Variants in TNFRSF10B observed in about 807,000 individuals in gnomAD.
TNFRSF10B encodes TNF receptor superfamily member 10b, also known as tumor necrosis factor receptor superfamily member 10B.
A neutral mutation model predicts 41.4 loss-of-function variants in TNFRSF10B; 35 were observed. The ratio of observed to expected loss-of-function variants is 0.85; its 90% CI spans 0.65 to 1.12. The LOEUF is 1.12. TNFRSF10B is among the 50% of genes most tolerant of loss of function. TNFRSF10B has a pLI of 0.00. For missense variants in TNFRSF10B, 584 were observed against 552.7 expected (o/e 1.06, Z -0.57); for synonymous variants, 230 against 215.5 (o/e 1.07, Z -0.59).
intron 1 of TNFRSF10B, among the ~76,000 whole-genome samples, chr8:23,058,650 T>TC (rs1812739256): frequency 6.6e-6 from 1 of 152,124 alleles, no homozygotes; most frequent in African/African-American, 2.4e-5. Flanking sequence ...AATGCCCAGC[T>TC]AATTTTGTAT....
intron 1 of TNFRSF10B, among the ~76,000 whole-genome samples, chr8:23,054,645 G>C (rs1379220297): frequency 1.3e-5 from 2 of 152,122 alleles, no homozygotes; most frequent in Admixed American, 1.3e-4. Context: ...CTCATAATTT[G>C]TGTACATAGA....
intron 2 of TNFRSF10B, among the ~76,000 whole-genome samples, chr8:23,038,173 T>C (rs549472061): frequency 6.8e-4 from 103 of 152,340 alleles, no homozygotes; most frequent in African/African-American, 2.3e-3. Flanking sequence ...ATGTCTAGAA[T>C]ACAGGAGATT....
At chr8:23,049,905 A>T (rs1329335085) in intron 1 of TNFRSF10B, 1 of 152,260 alleles carries the variant, frequency 6.6e-6, no homozygotes, top group African/African-American at 2.4e-5. Context: ...GCCAGCCAGA[A>T]GATAAGGACA....
At chr8:23,037,001 A>G (rs1018313787) in intron 2 of TNFRSF10B, among the ~76,000 whole-genome samples, 1 of 152,202 alleles carries the variant, frequency 6.6e-6, no homozygotes, top group Non-Finnish European at 1.5e-5. Flanking sequence ...AGGAAAACTG[A>G]TAACAAGGAA....
chr8:23,060,963 C>T (rs963726121), intron 1 of TNFRSF10B, among the ~76,000 whole-genome samples: 5 of 151,874 alleles, frequency 3.3e-5, no homozygotes, highest in Admixed American at 6.6e-5. Context: ...TTGACTTTTC[C>T]AGTTGATTTT....
chr8:23,046,348 A>C (rs761688017), intron 1 of TNFRSF10B, among the ~76,000 whole-genome samples: 27 of 151,272 alleles, frequency 1.8e-4, no homozygotes, highest in Non-Finnish European at 3.7e-4. Flanking sequence ...GAGCAATGAC[A>C]AAAAAAAATT....
chr8:23,038,189 G>A (rs772762360), intron 2 of TNFRSF10B, among the ~76,000 whole-genome samples: 1 of 152,146 alleles, frequency 6.6e-6, no homozygotes, highest in Middle Eastern at 3.4e-3. Flanking sequence ...AGATTCCTTA[G>A]GGCATCTCTT....
intron 2 of TNFRSF10B, among the ~76,000 whole-genome samples, chr8:23,036,080 C>A (rs62503606): frequency 0.4 from 60,225 of 151,610 alleles, 13,691 homozygotes; most frequent in Non-Finnish European, 0.5. Context: ...GACTTGCCAT[C>A]CTCTGCAGAT....
At chr8:23,027,693 G>A in intron 6 of TNFRSF10B, 29 bp downstream of exon 6, 1 of 1,613,948 alleles carries the variant, frequency 6.2e-7, no homozygotes, top group South Asian at 1.1e-5. Context: ...GAACCCCTGA[G>A]CCCCCAGCTC....
chr8:23,063,333 A>G (rs1015936528), intron 1 of TNFRSF10B, among the ~76,000 whole-genome samples: 6 of 145,322 alleles, frequency 4.1e-5, no homozygotes, highest in African/African-American at 1.5e-4. Flanking sequence ...GGGCAGCAAC[A>G]GTGAAACTGT....
At chr8:23,043,728 T>A (rs1812276338) in intron 1 of TNFRSF10B, among the ~76,000 whole-genome samples, 1 of 152,198 alleles carries the variant, frequency 6.6e-6, no homozygotes, top group Non-Finnish European at 1.5e-5. Context: ...GAACTTCTGA[T>A]TTAAAAGGTG....
chr8:23,063,077 G>A (rs1163108287), intron 1 of TNFRSF10B, among the ~76,000 whole-genome samples: 1 of 152,312 alleles, frequency 6.6e-6, no homozygotes, highest in Admixed American at 6.5e-5. Context: ...AGCCAGGCAA[G>A]GTGGCTCATG....
intron 1 of TNFRSF10B, among the ~76,000 whole-genome samples, chr8:23,058,134 C>T (rs1812722884): frequency 6.6e-6 from 1 of 152,138 alleles, no homozygotes; most frequent in African/African-American, 2.4e-5. Context: ...GTAATCCCAG[C>T]TACTTGGGAG....
chr8:23,061,125 A>G (rs1295967605), intron 1 of TNFRSF10B, among the ~76,000 whole-genome samples: 1 of 152,222 alleles, frequency 6.6e-6, no homozygotes, highest in Non-Finnish European at 1.5e-5. Context: ...ATCATAAAAA[A>G]TCCCACAAAA....
rs984050182 is a variant in TNFRSF10B at position 23,022,383 on chromosome 8, G to T, written c.*288C>A. The T allele has an allele frequency of 1.8e-6, 1 of 560,542 alleles. No individual in the cohort carries two copies. The highest frequency in any genetic ancestry group is 3.4e-6 in the Non-Finnish European group (1 of 296,736). 34.7% of individuals were successfully genotyped at this position (560,542 alleles called of 1,614,324 possible). On this transcript the variant is annotated 3_prime_UTR_variant, in exon 9 of 9. Transcript: ENST00000276431. ...AGCATTTACATTAGGATAAAAAAGTGCTGTGAAAACAATGACATCCCAAAC... is the reference window on the plus strand; with the variant it reads ...AGCATTTACATTAGGATAAAAAAGTTCTGTGAAAACAATGACATCCCAAAC...
intron 1 of TNFRSF10B, among the ~76,000 whole-genome samples, chr8:23,065,320 C>T (rs1422672899): frequency 6.6e-6 from 1 of 152,216 alleles, no homozygotes; most frequent in Non-Finnish European, 1.5e-5. Context: ...GCAGAGGACC[C>T]TGTAGAGCTC....
At chr8:23,059,532 A>T (rs1477521918) in intron 1 of TNFRSF10B, among the ~76,000 whole-genome samples, 1 of 152,122 alleles carries the variant, frequency 6.6e-6, no homozygotes. Context: ...TTTGAGACAG[A>T]GTCTCGTTCT....
At chr8:23,067,480 A>T (rs6997701) in intron 1 of TNFRSF10B, among the ~76,000 whole-genome samples, 1 of 151,866 alleles carries the variant, frequency 6.6e-6, no homozygotes, top group Non-Finnish European at 1.5e-5. Flanking sequence ...AAACAAACCA[A>T]ATCACTGCAA....
At position 23,020,266 on chromosome 8, in the gene TNFRSF10B, G is replaced by A; in HGVS notation, c.*2405C>T. 1 of 454,142 alleles carries A rather than the reference G, an allele frequency of 2.2e-6. No individual in the cohort carries two copies. Among genetic ancestry groups the A allele is most frequent in the Non-Finnish European group, 4.4e-6 (1 of 226,766 alleles). The allele number at this position is 454,142 out of a possible 1,614,324, so 28.1% of individuals were successfully genotyped here. On this transcript the variant is annotated 3_prime_UTR_variant, in exon 9 of 9. Transcript: ENST00000276431. ...CCTTTGACAGGGCAGAAGCATGAAA[G>A]GACACCAACCACGAGTGACACACTA...
Sources: gnomAD v4.1 joint callset for allele counts (sites outside exome capture counted in the v4.1 genomes callset) on GRCh38, gnomAD v4.1.1 for gene constraint, MANE v1.5 for transcripts, NCBI Gene and HGNC (gene_info 2026-07-23, HGNC 2026-07-21) for gene names.